The following MT1M variants were observed in gnomAD, a reference collection of about 807,000 sequenced individuals.
MT1M encodes metallothionein-1M.
A neutral mutation model predicts 8.5 loss-of-function variants in MT1M; 11 were observed. The observed-to-expected ratio is 1.29, with a 90% CI of 0.81 to 2.14. MT1M has a LOEUF of 2.14. Among genes scored for constraint, MT1M ranks in the 30% most tolerant of loss-of-function variants. The probability of loss-of-function intolerance (pLI) is 0.00; values close to 1 mark genes in which losing one functional copy is unlikely to be tolerated. For missense variants in MT1M, 84 were observed against 76.6 expected, an observed-to-expected ratio of 1.10 and a Z score of -0.36; for synonymous variants, 28 against 30.0, an observed-to-expected ratio of 0.93 and a Z score of 0.22.
In MT1M at chr16:56,632,664, G is replaced by C; in HGVS notation, c.-68G>C. 6.2e-7 allele frequency: 1 copy of C among 1,601,206 alleles called. No individual in the cohort carries two copies. The highest frequency in any genetic ancestry group is 8.5e-7 in the Non-Finnish European group (1 of 1,169,958). On this transcript the variant is annotated 5_prime_UTR_variant, in exon 1 of 3. Coordinates refer to ENST00000379818, the MANE Select transcript of MT1M (RefSeq NM_176870.3). ...GCCGCAGGCTGTGGCGCTCCACCAC[G>C]CCGTCCGGGTGGGCCTAGCAGTCGC...
In MT1M at chr16:56,633,830, C is replaced by A; in HGVS notation, c.174C>A (p.Ser58Arg). 1 of 1,614,224 alleles carries A rather than the reference C, an allele frequency of 6.2e-7. No individual in the cohort carries two copies. Among genetic ancestry groups the A allele is most frequent in the Non-Finnish European group, 8.5e-7 (1 of 1,180,048 alleles). ...GCAAAGGGACGTTGGAGAACTGCAG[C>A]TGCTGTGCCTGATGTGGGAACAGCT... is the stretch of plus-strand genomic sequence containing the variant. ...CVCKGTLENC[S>R]CCA The change falls in exon 3 of 3, where the codon AGC becomes AGA. Residue 58 changes from serine (S) to arginine (R), a missense_variant. By Grantham distance (110) the Ser-to-Arg change is moderately radical (BLOSUM62 -1). Transcript: ENST00000379818.
chr16:56,632,765 A>G lies in MT1M; in HGVS notation c.28+6A>G, dbSNP rs2144314199. 1 of 1,613,960 alleles carries G rather than the reference A, an allele frequency of 6.2e-7. No individual in the cohort carries two copies. Among genetic ancestry groups the G allele is most frequent in the East Asian group, 2.2e-5 (1 of 44,876 alleles). On this transcript the variant is annotated splice_donor_region_variant and intron_variant, in intron 1 of 2. Transcript: ENST00000379818. ...CAACTGCTCCTGCACCACTGGTAAG[A>G]GAAGCCGACCCTGCGCCCTAGGAAT...
At position 56,633,824 on chromosome 16, in the gene MT1M, C is replaced by G. The variant is rs748889195; in HGVS notation, c.168C>G (p.Asn56Lys). The G allele has an allele frequency of 4.8e-5, 78 of 1,614,086 alleles. No homozygotes were observed. The highest frequency in any genetic ancestry group is 8.9e-5 in the East Asian group (4 of 44,898). ...HGCVCKGTLENCSCCA is the reference protein window; with the variant it reads ...HGCVCKGTLEKCSCCA ...GTGTCTGCAAAGGGACGTTGGAGAA[C>G]TGCAGCTGCTGTGCCTGATGTGGGA... Residue 56 changes from asparagine to lysine, a missense_variant, in exon 3 of 3, where the codon AAC becomes AAG. Transcript: ENST00000379818.
Position 56,633,788 on chromosome 16 carries a change from T to G in MT1M, c.132T>G (p.Cys44Trp), listed in dbSNP as rs767385673. ...CSCCPVGCAK[C>W]AHGCVCKGTL... ...GCTGCCCCGTGGGCTGTGCCAAGTGTGCCCACGGCTGTGTCTGCAAAGGGA... is the reference window on the plus strand; with the variant it reads ...GCTGCCCCGTGGGCTGTGCCAAGTGGGCCCACGGCTGTGTCTGCAAAGGGA... Residue 44 changes from cysteine (C) to tryptophan (W), a missense_variant, in exon 3 of 3, where the codon TGT (cysteine) becomes TGG (tryptophan). Cys to Trp is a radical substitution (Grantham distance 215). Coordinates refer to ENST00000379818, the MANE Select transcript of MT1M (RefSeq NM_176870.3). The G allele has an allele frequency of 2.5e-6, 4 of 1,614,194 alleles. No homozygotes were observed. The Admixed American group carries it at 5.0e-5, about 20-fold the overall frequency.
Position 56,633,832 on chromosome 16 carries a change from G to T in MT1M, c.176G>T (p.Cys59Phe), listed in dbSNP as rs761251521. The T allele has an allele frequency of 1.6e-5, 26 of 1,614,098 alleles. No individual in the cohort carries two copies. In the African/African-American group the frequency reaches 3.1e-4, roughly 19 times the overall value. ...VCKGTLENCSCCA is the reference protein window; with the variant it reads ...VCKGTLENCSFCA ...AAAGGGACGTTGGAGAACTGCAGCT[G>T]CTGTGCCTGATGTGGGAACAGCTCT... Residue 59 changes from cysteine (C) to phenylalanine (F), a missense_variant, in exon 3 of 3, where the codon TGC becomes TTC. Coordinates refer to ENST00000379818, the MANE Select transcript of MT1M (RefSeq NM_176870.3).
rs551118522 is a variant in MT1M, at chr16:56,633,424, C to G, written c.94+19C>G. 1.1e-5 allele frequency: 17 copies of G among 1,614,248 alleles called. No homozygotes were observed. In the East Asian group the frequency reaches 2.9e-4, roughly 28 times the overall value. On this transcript the variant is annotated intron_variant, in intron 2 of 2. Coordinates refer to ENST00000379818, the MANE Select transcript of MT1M (RefSeq NM_176870.3). ...AAGAAGAGTGAGTGCGGGGCCATCT[C>G]CAGGAATCTGGGGCTGTGGCTGAGA... is the stretch of plus-strand genomic sequence containing the variant.
Position 56,633,361 on chromosome 16 carries a change from GCTC to G in MT1M, c.53_55del (p.Ser18del). On this transcript the variant is annotated inframe_deletion, in exon 2 of 3. Coordinates refer to ENST00000379818, the MANE Select transcript of MT1M (RefSeq NM_176870.3). ...GCAGGTGTCTCCTGCGCCTGCACCG[GCTC>G]CTGCACGTGCAAAGAGTGCAAATGC... The G allele has an allele frequency of 6.2e-7, 1 of 1,614,204 alleles. No homozygotes were observed. The highest frequency in any genetic ancestry group is 8.5e-7 in the Non-Finnish European group (1 of 1,180,048).
intron 2 of MT1M, 86 bp downstream of exon 2, chr16:56,633,491 G>T: frequency 6.2e-7 from 1 of 1,613,500 alleles, no homozygotes; most frequent in Non-Finnish European, 8.5e-7. Context: ...CATCCTTCTG[G>T]GGAACTGGGC....
intron 1 of MT1M, 117 bp from the exon 2 acceptor site, chr16:56,633,223 G>A (rs1960312314): frequency 6.7e-7 from 1 of 1,491,208 alleles, no homozygotes; most frequent in Non-Finnish European, 9.2e-7. Flanking sequence ...CCCTGAGTGG[G>A]AAAGGAGCTC....
intron 1 of MT1M, 82 bp from the exon 2 acceptor site, chr16:56,633,258 G>C (rs1288841655): frequency 6.3e-7 from 1 of 1,586,570 alleles, no homozygotes; most frequent in Non-Finnish European, 8.6e-7. Flanking sequence ...GCACAAAGGA[G>C]GGGGCACTGG....
At chr16:56,633,722 T>C (rs1392662675) in intron 2 of MT1M, 29 bp from the exon 3 acceptor site, 20 of 1,613,368 alleles carry the variant, frequency 1.2e-5, no homozygotes, top group Middle Eastern at 3.3e-4. Flanking sequence ...TCAAGTCTAC[T>C]GCTACCTCTC....
chr16:56,632,684 A>G lies in MT1M; in HGVS notation c.-48A>G. On this transcript the variant is annotated 5_prime_UTR_variant, in exon 1 of 3. Transcript: ENST00000379818. ...ACCACGCCGTCCGGGTGGGCCTAGC[A>G]GTCGCTCCATTTATCGCTTGAGATC... 5 of 1,612,002 alleles carry G rather than the reference A, an allele frequency of 3.1e-6. No individual in the cohort carries two copies. The highest frequency in any genetic ancestry group is 3.4e-6 in the Non-Finnish European group (4 of 1,179,470).
At position 56,632,711 on chromosome 16, in the gene MT1M, C is replaced by T. The variant is rs1423478981; in HGVS notation, c.-21C>T. On this transcript the variant is annotated 5_prime_UTR_variant, in exon 1 of 3. Transcript: ENST00000379818. ...TCGCTCCATTTATCGCTTGAGATCT[C>T]CAGCCTTACCGCGGCTCGAAATGGA... is the stretch of plus-strand genomic sequence containing the variant. 2.5e-6 allele frequency: 4 copies of T among 1,613,270 alleles called. No homozygotes were observed. Among genetic ancestry groups the T allele is most frequent in the East Asian group, 2.2e-5 (1 of 44,878 alleles).
Position 56,633,412 on chromosome 16 carries a change from G to T in MT1M, c.94+7G>T. On this transcript the variant is annotated splice_region_variant and intron_variant, in intron 2 of 2. Transcript: ENST00000379818. ...TGCACCTCCTGCAAGAAGAGTGAGTGCGGGGCCATCTCCAGGAATCTGGGG... is the reference window on the plus strand; with the variant it reads ...TGCACCTCCTGCAAGAAGAGTGAGTTCGGGGCCATCTCCAGGAATCTGGGG... 6.2e-7 allele frequency: 1 copy of T among 1,614,258 alleles called. No homozygotes were observed. Among genetic ancestry groups the T allele is most frequent in the Non-Finnish European group, 8.5e-7 (1 of 1,180,052 alleles).
rs781450949 is a variant in MT1M at position 56,633,484 on chromosome 16, C to A, written c.94+79C>A. The A allele has an allele frequency of 3.1e-6, 5 of 1,613,784 alleles. No homozygotes were observed. In the African/African-American group the frequency reaches 6.7e-5, roughly 22 times the overall value. On this transcript the variant is annotated intron_variant, in intron 2 of 2. Transcript: ENST00000379818. ...AACCCAAGGCTGGCCCTGAGTGCAT[C>A]CTTCTGGGGAACTGGGCTTTCTTTG...
intron 1 of MT1M, 74 bp downstream of exon 1, chr16:56,632,833 A>G (rs1960306812): frequency 1.9e-6 from 3 of 1,581,490 alleles, no homozygotes; most frequent in Non-Finnish European, 2.6e-6. Flanking sequence ...GGGTTTGAGG[A>G]GGTCGCATTT....
At chr16:56,633,626 A>G in intron 2 of MT1M, 125 bp from the exon 3 acceptor site, 1 of 1,600,960 alleles carries the variant, frequency 6.2e-7, no homozygotes, top group Non-Finnish European at 8.5e-7. Flanking sequence ...GTTTCAGAAC[A>G]GAGCTGTGCC....
At position 56,633,795 on chromosome 16, in the gene MT1M, G is replaced by A. The variant is rs755254289; in HGVS notation, c.139G>A (p.Gly47Ser). The change falls in exon 3 of 3, where the codon GGC (glycine) becomes AGC (serine). Residue 47 changes from glycine (G) to serine (S), a missense_variant. Physicochemically the swap from Gly to Ser is moderately conservative, Grantham distance 56 (BLOSUM62 0). Transcript: ENST00000379818. ...CPVGCAKCAH[G>S]CVCKGTLENC... ...CGTGGGCTGTGCCAAGTGTGCCCACGGCTGTGTCTGCAAAGGGACGTTGGA... is the reference window on the plus strand; with the variant it reads ...CGTGGGCTGTGCCAAGTGTGCCCACAGCTGTGTCTGCAAAGGGACGTTGGA... 1.8e-5 allele frequency: 29 copies of A among 1,614,070 alleles called. No individual in the cohort carries two copies. Among genetic ancestry groups the A allele is most frequent in the South Asian group, 1.6e-4 (15 of 91,086 alleles).
At chr16:56,632,854 C>A in intron 1 of MT1M, 95 bp downstream of exon 1, 3 of 1,494,292 alleles carry the variant, frequency 2.0e-6, no homozygotes, top group Non-Finnish European at 2.8e-6. Context: ...AAGTTCTGAG[C>A]GGAAGGGAAT....
Sources: gnomAD v4.1 joint callset for allele counts on GRCh38, gnomAD v4.1.1 for gene constraint, MANE v1.5 for transcripts, NCBI Gene and HGNC (gene_info 2026-07-23, HGNC 2026-07-21) for gene names.